Variants in TNIK observed in about 807,000 individuals in gnomAD.
The protein encoded by TNIK is TRAF2 and NCK interacting kinase, also known as TRAF2 and NCK-interacting protein kinase.
TNIK carries 49 observed loss-of-function variants against 191.3 expected under a neutral mutation model. The observed-to-expected ratio is 0.26, with a 90% CI of 0.20 to 0.32. The LOEUF (loss-of-function observed/expected upper bound fraction) is 0.32. TNIK is among the 10% of genes least tolerant of loss of function. The probability of loss-of-function intolerance (pLI) is 1.00; values close to 1 mark genes in which losing one functional copy is unlikely to be tolerated. For synonymous variants in TNIK, 594 were observed against 600.9 expected (o/e 0.99, Z 0.17); for missense variants, 1,155 against 1,702.3 (o/e 0.68, Z 5.66).
intron 18 of TNIK, among the ~76,000 whole-genome samples, chr3:171,112,009 G>C (rs892310016): frequency 6.6e-6 from 1 of 152,160 alleles, no homozygotes; most frequent in Non-Finnish European, 1.5e-5. Flanking sequence ...ACCATGGTGA[G>C]TACAGATCAT....
intron 18 of TNIK, among the ~76,000 whole-genome samples, chr3:171,112,695 T>C (rs1282659649): frequency 6.6e-6 from 1 of 151,964 alleles, no homozygotes; most frequent in Admixed American, 6.5e-5. Flanking sequence ...GTTTTTTTTT[T>C]CCTTTTTATA....
chr3:171,376,521 TAAGG>T (rs1717236788), intron 1 of TNIK, among the ~76,000 whole-genome samples: 1 of 151,974 alleles, frequency 6.6e-6, no homozygotes, highest in Non-Finnish European at 1.5e-5. Flanking sequence ...GCTTCCAATC[TAAGG>T]AAGGAAGCAG....
chr3:171,434,462 TA>T (rs768041618), intron 1 of TNIK, among the ~76,000 whole-genome samples: 1,674 of 151,644 alleles, frequency 0.011, 29 homozygotes, highest in African/African-American at 0.032. Context: ...TTTATTTATT[TA>T]TTTATTTTTT....
intron 2 of TNIK, among the ~76,000 whole-genome samples, chr3:171,275,268 C>T (rs1389413097): frequency 6.6e-6 from 1 of 152,188 alleles, no homozygotes; most frequent in Non-Finnish European, 1.5e-5. Context: ...TGTTTAATGG[C>T]TTCACTCTTA....
Position 171,177,316 on chromosome 3 carries a change from G to A in TNIK, c.694+10C>T. On this transcript the variant is annotated intron_variant, in intron 8 of 32. Transcript: ENST00000436636. ...CAGCAACAGATTTCACCCCAGAGGA[G>A]GGTACTTACGGGGAGCACCTTCTGC... 2.5e-6 allele frequency: 4 copies of A among 1,604,948 alleles called. No homozygotes were observed. Among genetic ancestry groups the A allele is most frequent in the Non-Finnish European group, 3.4e-6 (4 of 1,175,706 alleles).
intron 1 of TNIK, among the ~76,000 whole-genome samples, chr3:171,446,041 C>A (rs528177204): frequency 6.3e-4 from 96 of 152,306 alleles, no homozygotes; most frequent in African/African-American, 2.3e-3. Flanking sequence ...TGATCTAATT[C>A]TGCCATCAGG....
chr3:171,099,250 C>G (rs1246308545), intron 22 of TNIK, among the ~76,000 whole-genome samples: 1 of 152,130 alleles, frequency 6.6e-6, no homozygotes, highest in Non-Finnish European at 1.5e-5. Context: ...GAGCACACTT[C>G]TTGGTCTGAT....
chr3:171,089,820 A>C (rs1721833792), intron 23 of TNIK, among the ~76,000 whole-genome samples: 1 of 152,218 alleles, frequency 6.6e-6, no homozygotes, highest in Non-Finnish European at 1.5e-5. Context: ...GTACCACCAC[A>C]TGCCAAGTAC....
chr3:171,318,177 C>A (rs1342227179), intron 2 of TNIK, among the ~76,000 whole-genome samples: 1 of 152,122 alleles, frequency 6.6e-6, no homozygotes, highest in African/African-American at 2.4e-5. Context: ...TGAACCTGGC[C>A]TATAGATTGA....
chr3:171,381,692 G>T (rs774769541), intron 1 of TNIK, among the ~76,000 whole-genome samples: 6 of 152,196 alleles, frequency 3.9e-5, no homozygotes. Context: ...AGCTAGGAAT[G>T]AATACATGAC....
At chr3:171,316,731 A>G (rs1366224524) in intron 2 of TNIK, among the ~76,000 whole-genome samples, 1 of 152,022 alleles carries the variant, frequency 6.6e-6, no homozygotes, top group African/African-American at 2.4e-5. Context: ...AGGAAAAAAT[A>G]TATAGGAATG....
At chr3:171,395,852 T>A (rs1720163493) in intron 1 of TNIK, among the ~76,000 whole-genome samples, 1 of 152,176 alleles carries the variant, frequency 6.6e-6, no homozygotes, top group African/African-American at 2.4e-5. Flanking sequence ...CTTTCCCTGA[T>A]GTACCCTCCT....
chr3:171,350,009 C>A (rs2108434438), intron 2 of TNIK, among the ~76,000 whole-genome samples: 1 of 152,156 alleles, frequency 6.6e-6, no homozygotes, highest in South Asian at 2.1e-4. Flanking sequence ...GGAAAATATT[C>A]TATATATTTT....
chr3:171,426,352 C>A (rs1724590703), intron 1 of TNIK, among the ~76,000 whole-genome samples: 1 of 137,176 alleles, frequency 7.3e-6, no homozygotes, highest in Non-Finnish European at 1.5e-5. Flanking sequence ...GGGAATTGAA[C>A]AATGAGAACA....
At chr3:171,440,228 T>C (rs1726606062) in intron 1 of TNIK, among the ~76,000 whole-genome samples, 1 of 152,224 alleles carries the variant, frequency 6.6e-6, no homozygotes, top group African/African-American at 2.4e-5. Context: ...CAGCAACTCA[T>C]TCCTCCTTGA....
intron 1 of TNIK, among the ~76,000 whole-genome samples, chr3:171,408,012 TAAAAG>T (rs1721931490): frequency 6.6e-6 from 1 of 151,906 alleles, no homozygotes; most frequent in East Asian, 1.9e-4. Flanking sequence ...TGGCTGAAGA[TAAAAG>T]AAAAAAATCA....
At chr3:171,078,571 CTTTCT>C (rs1305934028) in intron 28 of TNIK, among the ~76,000 whole-genome samples, 7 of 151,764 alleles carry the variant, frequency 4.6e-5, no homozygotes, top group African/African-American at 1.7e-4. Context: ...TCCTTCCTTT[CTTTCT>C]TTTTACATTT....
intron 1 of TNIK, among the ~76,000 whole-genome samples, chr3:171,389,914 T>A (rs1262031112): frequency 6.6e-6 from 1 of 152,154 alleles, no homozygotes; most frequent in African/African-American, 2.4e-5. Context: ...TGCCAACCCA[T>A]TACATCTATT....
chr3:171,212,249 TG>T (rs1577135279), intron 3 of TNIK, among the ~76,000 whole-genome samples: 1 of 152,236 alleles, frequency 6.6e-6, no homozygotes. Flanking sequence ...CAGTCTCTCG[TG>T]TGCTGTCTTC....
Sources: allele counts gnomAD v4.1 joint callset (sites outside exome capture counted in the v4.1 genomes callset), GRCh38; gene constraint gnomAD v4.1.1; transcripts MANE v1.5; gene names NCBI Gene and HGNC (gene_info 2026-07-23, HGNC 2026-07-21).